CEP164: variants seen among roughly 807,000 people sequenced by gnomAD.
The protein encoded by CEP164 is centrosomal protein of 164 kDa.
CEP164 carries 162 observed loss-of-function variants against 182.7 expected under a neutral mutation model. The observed-to-expected ratio is 0.89, with a 90% CI of 0.78 to 1.01. The LOEUF is 1.01. CEP164 is among the 50% of genes least tolerant of loss of function. The pLI, the probability that CEP164 is intolerant of heterozygous loss-of-function variation, is 0.00. For synonymous variants in CEP164, 661 were observed against 690.0 expected (o/e 0.96, Z 0.66); for missense variants, 1,735 against 1,790.4 (o/e 0.97, Z 0.56).
chr11:117,394,236 G>C lies in CEP164; in HGVS notation c.2617-114G>C. On this transcript the variant is annotated intron_variant, in intron 20 of 32. Coordinates refer to ENST00000278935, the MANE Select transcript of CEP164 (RefSeq NM_014956.5). The surrounding 1 kb of genome is among the most constrained non-coding windows in gnomAD (Gnocchi z 4.0). ...CTTCTCCAAGAGCTGGCTTTAGGGAGCCGATGGTGTCCCTGATCTTACTGA... is the reference window on the plus strand; with the variant it reads ...CTTCTCCAAGAGCTGGCTTTAGGGACCCGATGGTGTCCCTGATCTTACTGA... 1 of 1,377,684 alleles carries C rather than the reference G, an allele frequency of 7.3e-7. No homozygotes were observed. The highest frequency in any genetic ancestry group is 1.4e-5 in the South Asian group (1 of 72,780). The allele number at this position is 1,377,684 out of a possible 1,614,324, so 85.3% of individuals were successfully genotyped here.
chr11:117,399,138 C>T (rs1352004934), intron 27 of CEP164, among the ~76,000 whole-genome samples: 1 of 152,130 alleles, frequency 6.6e-6, no homozygotes, highest in African/African-American at 2.4e-5. Context: ...CTCCCCTAGC[C>T]CCCAACCCTG....
At chr11:117,383,344 G>A (rs1017202166) in intron 14 of CEP164, among the ~76,000 whole-genome samples, 1 of 152,192 alleles carries the variant, frequency 6.6e-6, no homozygotes, top group Non-Finnish European at 1.5e-5. Flanking sequence ...GTTTGCATCT[G>A]TGCACACTGT....
At chr11:117,341,784 C>T (rs538730864) in intron 3 of CEP164, among the ~76,000 whole-genome samples, 1 of 152,260 alleles carries the variant, frequency 6.6e-6, no homozygotes, top group Non-Finnish European at 1.5e-5. Context: ...TACTGGTTGT[C>T]ACAGGTCCTT....
intron 26 of CEP164, 102 bp downstream of exon 26, chr11:117,396,713 G>A: frequency 1.1e-6 from 1 of 946,512 alleles, no homozygotes; most frequent in South Asian, 1.3e-5. Context: ...AGGAGACGGT[G>A]ATCACCAGTG....
chr11:117,370,874 G>A (rs2042131571), intron 8 of CEP164, among the ~76,000 whole-genome samples: 1 of 152,082 alleles, frequency 6.6e-6, no homozygotes, highest in Admixed American at 6.6e-5. Flanking sequence ...TCACACCACT[G>A]CACCCCAGCC....
chr11:117,336,694 G>A, intron 2 of CEP164: 1 of 788,722 alleles, frequency 1.3e-6, no homozygotes, highest in Non-Finnish European at 2.2e-6. Flanking sequence ...ACCAGATCCT[G>A]ATGTTTTTAA....
chr11:117,369,668 C>T (rs531834688), intron 8 of CEP164, among the ~76,000 whole-genome samples: 1 of 152,338 alleles, frequency 6.6e-6, no homozygotes, highest in East Asian at 1.9e-4. Flanking sequence ...AAAAATCCCT[C>T]ATTGGAAGTT....
intron 9 of CEP164, among the ~76,000 whole-genome samples, chr11:117,372,525 C>T (rs1766327683): frequency 2.0e-5 from 3 of 152,134 alleles, no homozygotes; most frequent in Admixed American, 2.0e-4. Context: ...AAGTGATTCT[C>T]CTGCCTCAGC....
At position 117,375,741 on chromosome 11, in the gene CEP164, C is replaced by T. The variant is rs1481823946; in HGVS notation, c.1267C>T (p.Leu423=). 1 of 1,614,120 alleles carries T rather than the reference C, an allele frequency of 6.2e-7. No homozygotes were observed. Among genetic ancestry groups the T allele is most frequent in the Admixed American group, 1.7e-5 (1 of 60,022 alleles). The change falls in exon 11 of 33, where the codon CTG becomes TTG. Residue 423 remains leucine, a synonymous_variant. Coordinates refer to ENST00000278935, the MANE Select transcript of CEP164 (RefSeq NM_014956.5). Reference sequence around the variant, plus strand: ...TTTTCGCAGCCGGATCTCGGAGCACCTGCTGGATGTTGATGTGCTTTCCCC... The same window carrying T: ...TTTTCGCAGCCGGATCTCGGAGCACTTGCTGGATGTTGATGTGCTTTCCCC... ...FGFRSRISEH[L]LDVDVLSPVL... is the part of the protein sequence containing the mutation.
chr11:117,382,016 G>T, intron 13 of CEP164, 148 bp downstream of exon 13: 2 of 655,962 alleles, frequency 3.0e-6, no homozygotes, highest in Non-Finnish European at 2.5e-6. Context: ...AGCCTCAGCA[G>T]CAGCAGCAGC....
At chr11:117,362,968 C>G (rs1379145946) in intron 7 of CEP164, among the ~76,000 whole-genome samples, 1 of 152,194 alleles carries the variant, frequency 6.6e-6, no homozygotes, top group Non-Finnish European at 1.5e-5. Context: ...CAAGCTTCAT[C>G]TATGTTGTAG....
Position 117,387,247 on chromosome 11 carries a change from C to G in CEP164, c.1769C>G (p.Ala590Gly). ...GCTCCCCCAGAGCAGCTCTCAGAGG[C>G]TGCACTAAAGGCCATGGAAGAGGCA... is the stretch of plus-strand genomic sequence containing the variant. Reference protein sequence around the residue: ...PVAPPEQLSEAALKAMEEAVA... With the variant: ...PVAPPEQLSEGALKAMEEAVA... The change falls in exon 15 of 33, where the codon GCT (alanine) becomes GGT (glycine). Residue 590 changes from alanine to glycine, a missense_variant. Coordinates refer to ENST00000278935, the MANE Select transcript of CEP164 (RefSeq NM_014956.5). The G allele has an allele frequency of 6.2e-7, 1 of 1,614,186 alleles. No homozygotes were observed. Among genetic ancestry groups the G allele is most frequent in the Non-Finnish European group, 8.5e-7 (1 of 1,180,006 alleles).
chr11:117,333,796 A>G (rs1313064395), intron 1 of CEP164, among the ~76,000 whole-genome samples: 1 of 152,006 alleles, frequency 6.6e-6, no homozygotes, highest in Non-Finnish European at 1.5e-5. Context: ...TTGGCCTCCC[A>G]AAGTGCTGAG....
chr11:117,381,025 G>A (rs1389861579), intron 12 of CEP164, among the ~76,000 whole-genome samples: 2 of 152,174 alleles, frequency 1.3e-5, no homozygotes, highest in Admixed American at 1.3e-4. Flanking sequence ...GGCTGATGAA[G>A]CTGTGTGTGT....
chr11:117,367,542 T>C (rs1056646694), intron 8 of CEP164, among the ~76,000 whole-genome samples: 2 of 152,240 alleles, frequency 1.3e-5, no homozygotes, highest in Non-Finnish European at 2.9e-5. Context: ...TTTTTTATTA[T>C]ACTTTAAGTT....
chr11:117,407,552 C>T (rs370869585), intron 27 of CEP164, among the ~76,000 whole-genome samples: 25 of 149,854 alleles, frequency 1.7e-4, no homozygotes, highest in African/African-American at 6.1e-4. Context: ...ACTTGGGAGG[C>T]TGAGGTGGGA....
intron 4 of CEP164, among the ~76,000 whole-genome samples, chr11:117,347,414 C>T (rs1001496447): frequency 4.6e-5 from 7 of 152,030 alleles, no homozygotes; most frequent in African/African-American, 1.4e-4. Context: ...TTTAGAATAG[C>T]TTGTCAGTTT....
chr11:117,387,020 G>T (rs1222776910), intron 14 of CEP164, 183 bp from the exon 15 acceptor site: 2 of 613,470 alleles, frequency 3.3e-6, no homozygotes, highest in Non-Finnish European at 5.8e-6. Flanking sequence ...CCACAATGGG[G>T]CTTGTCCTAT....
intron 5 of CEP164, among the ~76,000 whole-genome samples, chr11:117,358,540 C>CT (rs71961009): frequency 0.046 from 5,936 of 129,118 alleles, 227 homozygotes; most frequent in Middle Eastern, 0.081. Context: ...CTCCCCCGGC[C>CT]TTTTTTTTTT....
Sources: allele counts gnomAD v4.1 joint callset (sites outside exome capture counted in the v4.1 genomes callset), GRCh38; gene constraint gnomAD v4.1.1; non-coding constraint Gnocchi (gnomAD v3.1); transcripts MANE v1.5; gene names NCBI Gene and HGNC (gene_info 2026-07-23, HGNC 2026-07-21).